DHX15: variants seen among roughly 807,000 people sequenced by gnomAD.
DHX15 encodes ATP-dependent RNA helicase DHX15.
DHX15 carries 11 observed loss-of-function variants against 94.4 expected under a neutral mutation model. That is an observed-to-expected ratio of 0.12 (90% confidence interval 0.07 to 0.19). The LOEUF (loss-of-function observed/expected upper bound fraction) is 0.19, where lower values mean the gene tolerates loss of function less well. Ranked by LOEUF, DHX15 falls within the 10% of genes least tolerant of loss-of-function variation. The pLI is 1.00. For synonymous variants in DHX15, 338 were observed against 329.9 expected, an observed-to-expected ratio of 1.02 and a Z score of -0.27; for missense variants, 304 against 988.5, an observed-to-expected ratio of 0.31 and a Z score of 9.29.
At chr4:24,582,741 C>T (rs560849442) in intron 1 of DHX15, among the ~76,000 whole-genome samples, 1 of 152,306 alleles carries the variant, frequency 6.6e-6, no homozygotes, top group Admixed American at 6.5e-5. Flanking sequence ...CTGTTCTCCA[C>T]TTCTCATTCC....
chr4:24,540,338 A>G (rs370256081), intron 9 of DHX15, 39 bp from the exon 10 acceptor site: 5 of 1,542,664 alleles, frequency 3.2e-6, no homozygotes, highest in Admixed American at 2.0e-5. Context: ...CGGTGCCTTA[A>G]GCAAGCAAAA....
Position 24,554,995 on chromosome 4 carries a change from G to A in DHX15, c.862-52C>T. 3 of 1,417,080 alleles carry A rather than the reference G, an allele frequency of 2.1e-6. 1 individual carries two copies. In the South Asian group the frequency reaches 3.5e-5, roughly 17 times the overall value. 87.8% of individuals were successfully genotyped at this position (1,417,080 alleles called of 1,614,324 possible). On this transcript the variant is annotated intron_variant, in intron 4 of 13. Coordinates refer to ENST00000336812, the MANE Select transcript of DHX15 (RefSeq NM_001358.3). ...AGCTGTCTTCAAGGATTCTTACATG[G>A]TCTTACAGTATAGCAATATTTACTA...
At chr4:24,565,934 T>C (rs979640147) in intron 3 of DHX15, among the ~76,000 whole-genome samples, 6 of 152,000 alleles carry the variant, frequency 3.9e-5, no homozygotes, top group Non-Finnish European at 5.9e-5. Context: ...ACTTAACACA[T>C]AGTTAATGTC....
chr4:24,578,545 A>C (rs920112966), intron 1 of DHX15, among the ~76,000 whole-genome samples: 2 of 152,206 alleles, frequency 1.3e-5, no homozygotes, highest in South Asian at 4.1e-4. Flanking sequence ...GGAGGAGATG[A>C]CAAAAAATAT....
At chr4:24,545,996 T>G (rs1490489018) in intron 6 of DHX15, among the ~76,000 whole-genome samples, 1 of 151,792 alleles carries the variant, frequency 6.6e-6, no homozygotes, top group African/African-American at 2.4e-5. Context: ...AGAACTCACT[T>G]TTTTTCTAAT....
chr4:24,540,094 T>G lies in DHX15; in HGVS notation c.1786+14A>C, dbSNP rs956171570. 3 of 1,477,958 alleles carry G rather than the reference T, an allele frequency of 2.0e-6. No individual in the cohort carries two copies. In the African/African-American group the frequency reaches 4.3e-5, roughly 21 times the overall value. The allele number at this position is 1,477,958 out of a possible 1,614,324, so 91.6% of individuals were successfully genotyped here. A position where few individuals can be genotyped will look rare whatever the true frequency, so the allele number is the denominator to read the frequency against. On this transcript the variant is annotated intron_variant, in intron 10 of 13. Transcript: ENST00000336812. ...GAAGAGCTGGGCTTTTTTTTGTTCC[T>G]TTCCCTCTATTACCTGACAACATAG...
chr4:24,533,207 C>T (rs1560760252), intron 11 of DHX15, 153 bp from the exon 12 acceptor site: 2 of 687,060 alleles, frequency 2.9e-6, no homozygotes, highest in Admixed American at 2.4e-5. Context: ...TGCAATGTTA[C>T]CAACTTTCTC....
chr4:24,550,296 A>AG lies in DHX15; in HGVS notation c.1081-1275_1081-1274insC, dbSNP rs550124952. Among the ~76,000 whole-genome samples the AG allele has an allele frequency of 2.1e-3, 319 of 151,944 alleles. 2 individuals carry two copies. Among genetic ancestry groups the AG allele is most frequent in the African/African-American group, 7.5e-3 (309 of 41,428 alleles). The stretch of plus-strand genomic sequence containing the variant: ...TTGGCGATACAAAATTTATAAAAAA[A>AG]TGTATTTTCTTTTTTTTGATATATT... On this transcript the variant is annotated intron_variant, in intron 5 of 13. Coordinates refer to ENST00000336812, the MANE Select transcript of DHX15 (RefSeq NM_001358.3).
In DHX15 at chr4:24,537,425, A is replaced by G; in HGVS notation, c.1787-252T>C. 3.0e-6 allele frequency: 1 copy of G among 335,774 alleles called. No homozygotes were observed. Among genetic ancestry groups the G allele is most frequent in the Non-Finnish European group, 5.4e-6 (1 of 185,814 alleles). The allele number at this position is 335,774 out of a possible 1,614,324, so 20.8% of individuals were successfully genotyped here. ...ACTAGATCTAAAAGTAGGCATCAAA[A>G]CAGCTATTCTGAAGGCCATCAGGAT... On this transcript the variant is annotated intron_variant, in intron 10 of 13. Transcript: ENST00000336812. This position sits in a 1 kb window ranked among gnomAD's most constrained non-coding sequence, Gnocchi z 4.7.
chr4:24,582,803 G>A (rs1301890039), intron 1 of DHX15, among the ~76,000 whole-genome samples: 1 of 152,148 alleles, frequency 6.6e-6, no homozygotes, highest in African/African-American at 2.4e-5. Flanking sequence ...CTCTGAGTCT[G>A]TGACATACAG....
chr4:24,530,940 A>G (rs1721071869), intron 12 of DHX15: 1 of 152,208 alleles, frequency 6.6e-6, no homozygotes, highest in South Asian at 2.1e-4. Flanking sequence ...GGGTTTTCCT[A>G]TGTTGCCTGG....
intron 9 of DHX15, among the ~76,000 whole-genome samples, chr4:24,540,577 G>T (rs1721288039): frequency 6.6e-6 from 1 of 151,558 alleles, no homozygotes; most frequent in South Asian, 2.1e-4. Flanking sequence ...AGAAAACTTA[G>T]GAATTCTCAC....
At chr4:24,536,410 G>C (rs1577333228) in intron 11 of DHX15, among the ~76,000 whole-genome samples, 1 of 151,992 alleles carries the variant, frequency 6.6e-6, no homozygotes, top group Non-Finnish European at 1.5e-5. Context: ...AAAGTTCCTG[G>C]TAACATAAAA....
At chr4:24,529,481 C>A (rs1432849442) in intron 13 of DHX15, 120 bp downstream of exon 13, 1 of 815,426 alleles carries the variant, frequency 1.2e-6, no homozygotes, top group Admixed American at 2.5e-5. Context: ...TTCCCTCATA[C>A]CTACACACTG....
chr4:24,543,655 T>C (rs781299350), intron 6 of DHX15, among the ~76,000 whole-genome samples: 2 of 152,160 alleles, frequency 1.3e-5, no homozygotes, highest in Non-Finnish European at 2.9e-5. Flanking sequence ...TGACGGAAAA[T>C]GTTTAAAGCA....
chr4:24,559,937 T>A lies in DHX15; in HGVS notation c.702-3527A>T, dbSNP rs551688765. Among the ~76,000 whole-genome samples, 3 of 152,324 alleles carry A rather than the reference T, an allele frequency of 2.0e-5. No individual in the cohort carries two copies. The East Asian group carries it at 5.8e-4, about 29-fold the overall frequency. The stretch of plus-strand genomic sequence containing the variant: ...AAACAAGAAGCAGATTACCTAAAGA[T>A]GTCTAAAGTAGCAAAAACATCCTTG... On this transcript the variant is annotated intron_variant, in intron 3 of 13. Coordinates refer to ENST00000336812, the MANE Select transcript of DHX15 (RefSeq NM_001358.3).
At chr4:24,528,633 A>C (rs1249152857) in intron 13 of DHX15, among the ~76,000 whole-genome samples, 1 of 152,222 alleles carries the variant, frequency 6.6e-6, no homozygotes, top group Admixed American at 6.5e-5. Context: ...AGCACCTAGA[A>C]TATGTGCCTT....
chr4:24,580,044 A>G (rs965455568), intron 1 of DHX15, among the ~76,000 whole-genome samples: 3 of 152,138 alleles, frequency 2.0e-5, no homozygotes, highest in African/African-American at 7.2e-5. Flanking sequence ...GATTACTGGC[A>G]TGAGCCACCG....
At chr4:24,542,730 T>C (rs766009598) in intron 7 of DHX15, among the ~76,000 whole-genome samples, 2 of 151,386 alleles carry the variant, frequency 1.3e-5, no homozygotes, top group African/African-American at 2.4e-5. Context: ...AAAGCAACTC[T>C]AAAAGAAAAA....
Sources: gnomAD v4.1 joint callset for allele counts (sites outside exome capture counted in the v4.1 genomes callset) on GRCh38, gnomAD v4.1.1 for gene constraint, Gnocchi (gnomAD v3.1) non-coding constraint, MANE v1.5 for transcripts, NCBI Gene and HGNC (gene_info 2026-07-23, HGNC 2026-07-21) for gene names.